The following MOB3B variants were observed in gnomAD, a reference collection of about 807,000 sequenced individuals.
MOB3B encodes the protein MOB kinase activator-like 2B.
Under a neutral mutation model 18.7 loss-of-function variants are expected in MOB3B, and 7 were observed. That is an observed-to-expected ratio of 0.37 (90% CI 0.21 to 0.70). MOB3B has a LOEUF of 0.70. Ranked by LOEUF, MOB3B falls within the 30% of genes least tolerant of loss-of-function variation. MOB3B has a pLI of 0.52. For synonymous variants in MOB3B, 111 were observed against 99.9 expected, an observed-to-expected ratio of 1.11 and a Z score of -0.66; for missense variants, 253 against 281.3, an observed-to-expected ratio of 0.90 and a Z score of 0.72.
intron 2 of MOB3B, among the ~76,000 whole-genome samples, chr9:27,428,232 G>A (rs1270602917): frequency 6.6e-6 from 1 of 152,104 alleles, no homozygotes; most frequent in Non-Finnish European, 1.5e-5. Flanking sequence ...TCATGATCTA[G>A]TATATCTGTG....
intron 2 of MOB3B, among the ~76,000 whole-genome samples, chr9:27,384,809 A>G (rs1218991919): frequency 6.6e-6 from 1 of 152,120 alleles, no homozygotes; most frequent in Non-Finnish European, 1.5e-5. Flanking sequence ...AGCATCAGGA[A>G]CTGAGACGGG....
chr9:27,483,125 CT>C (rs71492747), intron 1 of MOB3B, among the ~76,000 whole-genome samples: 731 of 68,534 alleles, frequency 0.011, no homozygotes, highest in African/African-American at 0.031. Context: ...ATATACGGTA[CT>C]TTTTTTTTTT....
intron 3 of MOB3B, among the ~76,000 whole-genome samples, chr9:27,340,913 T>C (rs532164611): frequency 5.3e-5 from 8 of 152,344 alleles, no homozygotes; most frequent in African/African-American, 1.7e-4. Flanking sequence ...CGCAGCTGGA[T>C]TGGTTTCTGG....
At chr9:27,370,275 A>G (rs1166452823) in intron 2 of MOB3B, among the ~76,000 whole-genome samples, 1 of 152,026 alleles carries the variant, frequency 6.6e-6, no homozygotes, top group African/African-American at 2.4e-5. Flanking sequence ...TTGGGAGGCT[A>G]AGGTGGGCAG....
intron 2 of MOB3B, among the ~76,000 whole-genome samples, chr9:27,439,884 T>C (rs901201389): frequency 2.0e-5 from 3 of 152,094 alleles, no homozygotes; most frequent in Non-Finnish European, 4.4e-5. Context: ...GAGGCTCAGT[T>C]CCCTCATTGG....
At chr9:27,399,998 A>C (rs188044513) in intron 2 of MOB3B, among the ~76,000 whole-genome samples, 1 of 152,248 alleles carries the variant, frequency 6.6e-6, no homozygotes, top group East Asian at 1.9e-4. Context: ...TCGATCCCAC[A>C]GCCCCTGCCT....
chr9:27,378,421 C>T (rs1368304148), intron 2 of MOB3B: 1 of 471,400 alleles, frequency 2.1e-6, no homozygotes, highest in African/African-American at 2.0e-5. Flanking sequence ...AAAGCTGGCC[C>T]TGATCCCATC....
chr9:27,455,243 T>A lies in MOB3B; in HGVS notation c.308A>T (p.Asp103Val). The A allele has an allele frequency of 2.5e-6, 4 of 1,614,156 alleles. No individual in the cohort carries two copies. The highest frequency in any genetic ancestry group is 3.4e-6 in the Non-Finnish European group (4 of 1,180,020). ...CGCTGTTGGCTTCTTATACTTGAGA[T>A]CATCCTGCCACCGATACTCATATTT... ...GPKYEYRWQD[D>V]LKYKKPTALP... The change falls in exon 2 of 4, where the codon GAT (aspartate) becomes GTT (valine). Residue 103 changes from aspartate to valine, a missense_variant. Physicochemically the swap from Asp to Val is radical, Grantham distance 152. Coordinates refer to ENST00000262244, the MANE Select transcript of MOB3B (RefSeq NM_024761.5).
chr9:27,423,161 C>T (rs919112255), intron 2 of MOB3B, among the ~76,000 whole-genome samples: 1 of 152,156 alleles, frequency 6.6e-6, no homozygotes, highest in Non-Finnish European at 1.5e-5. Context: ...GCCTGTGACT[C>T]GGGTTCAGTC....
chr9:27,356,989 C>A (rs1030852012), intron 3 of MOB3B, among the ~76,000 whole-genome samples: 2 of 150,632 alleles, frequency 1.3e-5, no homozygotes, highest in African/African-American at 4.9e-5. Context: ...TCGGTTCCTG[C>A]CCCTGAGAGC....
chr9:27,461,158 T>G (rs1819281272), intron 1 of MOB3B, among the ~76,000 whole-genome samples: 1 of 152,240 alleles, frequency 6.6e-6, no homozygotes, highest in Admixed American at 6.5e-5. Flanking sequence ...TCTTTATAGC[T>G]GGAATAGTCC....
At chr9:27,509,845 C>T (rs1482865704) in intron 1 of MOB3B, among the ~76,000 whole-genome samples, 1 of 152,202 alleles carries the variant, frequency 6.6e-6, no homozygotes, top group Non-Finnish European at 1.5e-5. Flanking sequence ...CTGCCTCAGG[C>T]CCCTGAGTAG....
chr9:27,343,303 C>T (rs1226433122), intron 3 of MOB3B, among the ~76,000 whole-genome samples: 1 of 151,334 alleles, frequency 6.6e-6, no homozygotes, highest in Non-Finnish European at 1.5e-5. Context: ...CATCACCACT[C>T]CCTAATCTCA....
At chr9:27,504,963 AT>A (rs1156836505) in intron 1 of MOB3B, among the ~76,000 whole-genome samples, 1 of 152,026 alleles carries the variant, frequency 6.6e-6, no homozygotes, top group East Asian at 1.9e-4. Flanking sequence ...TGCTTCTGTC[AT>A]TGCATCTCCT....
At chr9:27,413,482 A>C (rs750016515) in intron 2 of MOB3B, among the ~76,000 whole-genome samples, 2 of 152,224 alleles carry the variant, frequency 1.3e-5, no homozygotes, top group Non-Finnish European at 2.9e-5. Flanking sequence ...ATAAAGTTGC[A>C]TTTTGGTTGC....
intron 3 of MOB3B, among the ~76,000 whole-genome samples, chr9:27,331,667 T>A (rs538834221): frequency 7.9e-5 from 12 of 152,334 alleles, no homozygotes; most frequent in Middle Eastern, 3.4e-3. Context: ...AGGCTAGTAA[T>A]GAGCCCTGTG....
In MOB3B at chr9:27,434,922, G is replaced by A. The variant is rs557827143; in HGVS notation, c.418+20211C>T. On this transcript the variant is annotated intron_variant, in intron 2 of 3. Coordinates refer to ENST00000262244, the MANE Select transcript of MOB3B (RefSeq NM_024761.5). ...AACATAATACACCACTCTAAAATAT[G>A]TCTCTTGGCATGTTGACTATTTCAA... Among the ~76,000 whole-genome samples the A allele has an allele frequency of 3.9e-5, 6 of 152,200 alleles. No individual in the cohort carries two copies. In the South Asian group the frequency reaches 1.2e-3, roughly 32 times the overall value.
intron 1 of MOB3B, among the ~76,000 whole-genome samples, chr9:27,508,407 G>A (rs917385355): frequency 6.6e-6 from 1 of 152,142 alleles, no homozygotes; most frequent in Non-Finnish European, 1.5e-5. Flanking sequence ...AGGAATCCAC[G>A]TGTAGGGACC....
intron 3 of MOB3B, among the ~76,000 whole-genome samples, chr9:27,331,914 A>G (rs1359679764): frequency 6.6e-6 from 1 of 152,270 alleles, no homozygotes; most frequent in East Asian, 1.9e-4. Context: ...TAAAGAAATA[A>G]CAATAGACAA....
Sources: allele counts gnomAD v4.1 joint callset (sites outside exome capture counted in the v4.1 genomes callset), GRCh38; gene constraint gnomAD v4.1.1; transcripts MANE v1.5; gene names NCBI Gene and HGNC (gene_info 2026-07-23, HGNC 2026-07-21).